MDGA2: variants seen among roughly 807,000 people sequenced by gnomAD.
MDGA2 encodes MAM domain containing glycosylphosphatidylinositol anchor 2.
MDGA2 carries 40 observed loss-of-function variants against 117.8 expected under a neutral mutation model. That is an observed-to-expected ratio of 0.34 (90% CI 0.26 to 0.44). The LOEUF (loss-of-function observed/expected upper bound fraction) is 0.44. Ranked by LOEUF, MDGA2 falls within the 20% of genes least tolerant of loss-of-function variation. The pLI, the probability that MDGA2 is intolerant of heterozygous loss-of-function variation, is 1.00. For synonymous variants in MDGA2, 452 were observed against 439.0 expected, an observed-to-expected ratio of 1.03 and a Z score of -0.37; for missense variants, 1,123 against 1,250.6, an observed-to-expected ratio of 0.90 and a Z score of 1.54.
intron 1 of MDGA2, among the ~76,000 whole-genome samples, chr14:47,466,609 C>T (rs2138604809): frequency 6.6e-6 from 1 of 152,140 alleles, no homozygotes; most frequent in Non-Finnish European, 1.5e-5. Context: ...TAACTTGATG[C>T]CGCCTTTCAA....
At chr14:47,225,560 G>A (rs1377701019) in intron 2 of MDGA2, among the ~76,000 whole-genome samples, 6 of 150,784 alleles carry the variant, frequency 4.0e-5, no homozygotes, top group African/African-American at 1.5e-4. Context: ...CTATCGCCAA[G>A]GACAAAAAAC....
intron 1 of MDGA2, among the ~76,000 whole-genome samples, chr14:47,341,123 T>C (rs978007115): frequency 6.6e-6 from 1 of 152,204 alleles, no homozygotes; most frequent in African/African-American, 2.4e-5. Context: ...TATCTTATAA[T>C]GTGGCTAACT....
chr14:47,150,075 C>T (rs779818315), intron 3 of MDGA2, among the ~76,000 whole-genome samples: 25 of 152,134 alleles, frequency 1.6e-4, no homozygotes, highest in Non-Finnish European at 3.2e-4. Flanking sequence ...GTGTGAGTTA[C>T]CTCCAAGGGA....
chr14:47,364,315 A>G (rs371325723), intron 1 of MDGA2, among the ~76,000 whole-genome samples: 2 of 152,186 alleles, frequency 1.3e-5, no homozygotes, highest in African/African-American at 4.8e-5. Flanking sequence ...CACAGGCTAG[A>G]GTGCAGGGAC....
intron 1 of MDGA2, among the ~76,000 whole-genome samples, chr14:47,610,506 T>C (rs1334632520): frequency 6.6e-6 from 1 of 151,946 alleles, no homozygotes; most frequent in Non-Finnish European, 1.5e-5. Flanking sequence ...AGTTCTCCTA[T>C]ACACCAACAG....
At chr14:47,045,523 T>G (rs1032830905) in intron 7 of MDGA2, among the ~76,000 whole-genome samples, 14 of 152,194 alleles carry the variant, frequency 9.2e-5, no homozygotes, top group Non-Finnish European at 1.6e-4. Flanking sequence ...GAAAACTTTT[T>G]TTTTCTGAAA....
intron 1 of MDGA2, among the ~76,000 whole-genome samples, chr14:47,334,397 G>A (rs552323364): frequency 1.4e-4 from 22 of 151,918 alleles, no homozygotes; most frequent in African/African-American, 4.8e-4. Context: ...GAGTAAGGTA[G>A]CATAGCTTTT....
chr14:47,569,040 C>G (rs1322176590), intron 1 of MDGA2, among the ~76,000 whole-genome samples: 1 of 151,084 alleles, frequency 6.6e-6, no homozygotes, highest in East Asian at 1.9e-4. Context: ...GATATAAAAT[C>G]GGCTGATTAC....
chr14:47,639,365 T>G (rs1594957110), intron 1 of MDGA2, among the ~76,000 whole-genome samples: 1 of 152,182 alleles, frequency 6.6e-6, no homozygotes, highest in South Asian at 2.1e-4. Flanking sequence ...TCTGAAAAAC[T>G]CTGTCCCAGA....
chr14:46,896,337 T>C (rs548575658), intron 10 of MDGA2, among the ~76,000 whole-genome samples: 2 of 152,272 alleles, frequency 1.3e-5, no homozygotes, highest in South Asian at 4.1e-4. Context: ...ATGCTTCTTG[T>C]TGTGAATACT....
rs71112467 is a variant in MDGA2 at position 46,864,545 on chromosome 14, G to GTTTTTTTTTT, written c.2752+8878_2752+8887dup. On this transcript the variant is annotated intron_variant, in intron 14 of 16. Transcript: ENST00000399232. ...TTTGTTGCGCTTTGCAGATATTGCTGTTTTTTTTTTTTTTTTTTTTTTTTT... is the reference window on the plus strand; with the variant it reads ...TTTGTTGCGCTTTGCAGATATTGCTGTTTTTTTTTTTTTTTTTTTTTTTTTTTTTTTTTTT... Among the ~76,000 whole-genome samples, 201 of 51,470 alleles carry GTTTTTTTTTT rather than the reference G, an allele frequency of 3.9e-3. 29 individuals carry two copies. The highest frequency in any genetic ancestry group is 6.0e-3 in the Non-Finnish European group (153 of 25,442). 33.8% of individuals were successfully genotyped at this position (51,470 alleles called of 152,430 possible). A position where few individuals can be genotyped will look rare whatever the true frequency, so the allele number is the denominator to read the frequency against.
At chr14:47,580,697 G>C (rs977912535) in intron 1 of MDGA2, among the ~76,000 whole-genome samples, 1 of 151,920 alleles carries the variant, frequency 6.6e-6, no homozygotes, top group African/African-American at 2.4e-5. Context: ...TCTCTTGGAA[G>C]TCATTTTTTT....
chr14:47,366,353 A>G (rs1369258220), intron 1 of MDGA2, among the ~76,000 whole-genome samples: 2 of 146,844 alleles, frequency 1.4e-5, no homozygotes, highest in Non-Finnish European at 3.0e-5. Flanking sequence ...CTGATGTATT[A>G]GTCTGAAAAA....
At chr14:47,382,194 A>G (rs916994305) in intron 1 of MDGA2, among the ~76,000 whole-genome samples, 1 of 152,208 alleles carries the variant, frequency 6.6e-6, no homozygotes, top group African/African-American at 2.4e-5. Context: ...ACCTTATACA[A>G]AAATTAATTC....
intron 2 of MDGA2, among the ~76,000 whole-genome samples, chr14:47,219,174 A>G (rs1258721124): frequency 6.6e-6 from 1 of 152,116 alleles, no homozygotes; most frequent in Non-Finnish European, 1.5e-5. Flanking sequence ...GGAAAATGAA[A>G]CTAAATACTG....
intron 1 of MDGA2, among the ~76,000 whole-genome samples, chr14:47,397,739 G>A (rs1285878366): frequency 1.3e-5 from 2 of 152,054 alleles, no homozygotes; most frequent in Non-Finnish European, 2.9e-5. Flanking sequence ...ATAAATACAT[G>A]TAAACACACA....
At chr14:47,403,609 T>C (rs183051639) in intron 1 of MDGA2, among the ~76,000 whole-genome samples, 44 of 152,260 alleles carry the variant, frequency 2.9e-4, no homozygotes, top group Admixed American at 5.2e-4. Flanking sequence ...TGAATGACTC[T>C]TAGTTTGCTA....
chr14:47,280,501 G>C (rs1308111226), intron 2 of MDGA2, among the ~76,000 whole-genome samples: 1 of 151,932 alleles, frequency 6.6e-6, no homozygotes, highest in East Asian at 1.9e-4. Flanking sequence ...GTTTTACTAT[G>C]ATTAAAAATA....
intron 1 of MDGA2, among the ~76,000 whole-genome samples, chr14:47,673,209 A>G (rs1167220656): frequency 6.6e-6 from 1 of 152,176 alleles, no homozygotes; most frequent in African/African-American, 2.4e-5. Context: ...TGTAGCATTC[A>G]TCCCCAAACA....
Sources: allele counts gnomAD v4.1 joint callset (sites outside exome capture counted in the v4.1 genomes callset), GRCh38; gene constraint gnomAD v4.1.1; transcripts MANE v1.5; gene names NCBI Gene and HGNC (gene_info 2026-07-23, HGNC 2026-07-21).